TMPRSS15: variants seen among roughly 807,000 people sequenced by gnomAD.
The protein encoded by TMPRSS15 is transmembrane serine protease 15.
In TMPRSS15, 128 loss-of-function variants were observed where a neutral mutation model predicts 125.3. That is an observed-to-expected ratio of 1.02 (90% CI 0.89 to 1.18). The LOEUF (loss-of-function observed/expected upper bound fraction) is 1.18. TMPRSS15 is among the 50% of genes most tolerant of loss of function. The pLI, the probability that TMPRSS15 is intolerant of heterozygous loss-of-function variation, is 0.00. For synonymous variants in TMPRSS15, 446 were observed against 423.2 expected, an observed-to-expected ratio of 1.05 and a Z score of -0.66; for missense variants, 1,283 against 1,212.7, an observed-to-expected ratio of 1.06 and a Z score of -0.86.
At chr21:18,278,844 GA>G in intron 23 of TMPRSS15, 119 bp downstream of exon 23, 2 of 633,918 alleles carry the variant, frequency 3.2e-6, no homozygotes, top group Admixed American at 2.9e-5. Flanking sequence ...AGGAGATATT[GA>G]AAAAACTGTT....
At chr21:18,279,625 C>G (rs947285959) in intron 22 of TMPRSS15, among the ~76,000 whole-genome samples, 1 of 151,706 alleles carries the variant, frequency 6.6e-6, no homozygotes, top group Non-Finnish European at 1.5e-5. Flanking sequence ...TGAGCCACCG[C>G]ACCCGGCCCT....
chr21:18,294,387 T>C lies in TMPRSS15; in HGVS notation c.2369A>G (p.Asn790Ser). 1 of 1,614,262 alleles carries C rather than the reference T, an allele frequency of 6.2e-7. No individual in the cohort carries two copies. The highest frequency in any genetic ancestry group is 1.1e-5 in the South Asian group (1 of 91,090). Residue 790 changes from asparagine (N) to serine (S), a missense_variant, in exon 21 of 25, where the codon AAT (asparagine) becomes AGT (serine). Asn to Ser is a conservative substitution (Grantham distance 46). Transcript: ENST00000284885. ...DITPKIVGGS[N>S]AKEGAWPWVV... ...CCAGGGCCAGGCCCCTTCTTTGGCATTACTTCCTCCAACAATCTTTGGGGT... is the reference window on the plus strand; with the variant it reads ...CCAGGGCCAGGCCCCTTCTTTGGCACTACTTCCTCCAACAATCTTTGGGGT...
rs1171183312 is a variant in TMPRSS15 at position 18,294,652 on chromosome 21, A to C, written c.2262T>G (p.Ser754Arg). 5 of 1,608,964 alleles carry C rather than the reference A, an allele frequency of 3.1e-6. No individual in the cohort carries two copies. Among genetic ancestry groups the C allele is most frequent in the Non-Finnish European group, 4.3e-6 (5 of 1,175,384 alleles). Residue 754 changes from serine (S) to arginine (R), a missense_variant and splice_region_variant, in exon 20 of 25, where the codon AGT (serine) becomes AGG (arginine). Coordinates refer to ENST00000284885, the MANE Select transcript of TMPRSS15 (RefSeq NM_002772.3). ...APDGHLILTPSQQCLQDSLIR... is the reference protein window; with the variant it reads ...APDGHLILTPRQQCLQDSLIR... ...TCAAGGAATCCTGTAAACACTGTTG[A>C]CTGTAATAGAAGAACAATCATATTT...
At chr21:18,313,220 TTAATAA>T in intron 17 of TMPRSS15, 143 bp from the exon 18 acceptor site, 2 of 708,506 alleles carry the variant, frequency 2.8e-6, no homozygotes, top group Non-Finnish European at 5.0e-6. Context: ...GTGACTATAG[TTAATAA>T]TAATGTATTG....
At chr21:18,309,455 T>A (rs898100684) in intron 18 of TMPRSS15, among the ~76,000 whole-genome samples, 6 of 152,032 alleles carry the variant, frequency 3.9e-5, no homozygotes, top group African/African-American at 9.7e-5. Flanking sequence ...GAAACTATCA[T>A]TAGAGTGAAC....
intron 16 of TMPRSS15, among the ~76,000 whole-genome samples, chr21:18,317,385 G>A (rs149180332): frequency 1.9e-3 from 275 of 148,368 alleles, no homozygotes; most frequent in African/African-American, 6.5e-3. Flanking sequence ...TTTAATAAAA[G>A]GGCATTAGAG....
chr21:18,294,479 A>AT (rs1441338834), intron 20 of TMPRSS15, 35 bp from the exon 21 acceptor site: 2 of 1,613,508 alleles, frequency 1.2e-6, no homozygotes, highest in Non-Finnish European at 1.7e-6. Flanking sequence ...CATCTATTTC[A>AT]TTTTTGGCAT....
chr21:18,418,755 G>A (rs1440801081), intron 1 of TMPRSS15, among the ~76,000 whole-genome samples: 1 of 152,132 alleles, frequency 6.6e-6, no homozygotes, highest in African/African-American at 2.4e-5. Context: ...ACCAATCTCT[G>A]CTAGAAAACA....
At chr21:18,479,948 T>C (rs9975797) in intron 1 of TMPRSS15, among the ~76,000 whole-genome samples, 3,625 of 152,170 alleles carry the variant, frequency 0.024, 160 homozygotes, top group African/African-American at 0.081. Flanking sequence ...TGTATGTTTA[T>C]TGCAGCACTG....
intron 1 of TMPRSS15, among the ~76,000 whole-genome samples, chr21:18,467,887 A>C (rs1978698884): frequency 6.6e-6 from 1 of 152,120 alleles, no homozygotes; most frequent in Admixed American, 6.6e-5. Context: ...CCTGAGAGAA[A>C]CTGAAAGTAT....
rs543655810 is a variant in TMPRSS15 at position 18,474,022 on chromosome 21, C to T, written c.10+11777G>A. ...ATAGACAGATGGTATTAAACAAAGA[C>T]TAGAAGCTAGTGATCATTAAGTTAT... is the stretch of plus-strand genomic sequence containing the variant. On this transcript the variant is annotated intron_variant, in intron 1 of 7. Transcript: ENST00000422787. Among the ~76,000 whole-genome samples the T allele has an allele frequency of 2.0e-5, 3 of 152,186 alleles. No individual in the cohort carries two copies. In the South Asian group the frequency reaches 6.2e-4, roughly 32 times the overall value.
intron 18 of TMPRSS15, among the ~76,000 whole-genome samples, chr21:18,305,133 T>C (rs986986932): frequency 7.3e-5 from 11 of 151,208 alleles, no homozygotes. Flanking sequence ...TACGCTAGAC[T>C]TTTGGGTTCA....
chr21:18,433,610 T>C (rs1425074523), intron 1 of TMPRSS15, among the ~76,000 whole-genome samples: 1 of 132,176 alleles, frequency 7.6e-6, no homozygotes, highest in Non-Finnish European at 1.5e-5. Flanking sequence ...GCTGCAGTGA[T>C]CCATGATTGT....
At chr21:18,310,143 A>G (rs2075083889) in intron 18 of TMPRSS15, among the ~76,000 whole-genome samples, 1 of 152,172 alleles carries the variant, frequency 6.6e-6, no homozygotes, top group African/African-American at 2.4e-5. Flanking sequence ...TTCTTCTAAG[A>G]ACTGGAACAA....
At chr21:18,479,498 C>A (rs1445352042) in intron 1 of TMPRSS15, among the ~76,000 whole-genome samples, 1 of 151,810 alleles carries the variant, frequency 6.6e-6, no homozygotes, top group African/African-American at 2.4e-5. Context: ...CTTTCATAGT[C>A]AATTCCAGCC....
At chr21:18,382,355 C>T (rs1355306240) in intron 4 of TMPRSS15, among the ~76,000 whole-genome samples, 1 of 152,144 alleles carries the variant, frequency 6.6e-6, no homozygotes, top group Non-Finnish European at 1.5e-5. Context: ...GCTCAAACAG[C>T]TGTGACATGC....
chr21:18,369,934 C>T (rs1307019204), intron 6 of TMPRSS15, among the ~76,000 whole-genome samples: 2 of 129,728 alleles, frequency 1.5e-5, no homozygotes, highest in African/African-American at 2.9e-5. Context: ...ACAAATAATT[C>T]GAATTTATTT....
chr21:18,394,573 C>G (rs1383640224), intron 3 of TMPRSS15, among the ~76,000 whole-genome samples: 2 of 151,930 alleles, frequency 1.3e-5, no homozygotes, highest in Non-Finnish European at 2.9e-5. Context: ...CTTTCTCTCA[C>G]ATACACACAA....
chr21:18,372,255 T>G lies in TMPRSS15; in HGVS notation c.602A>C (p.Asp201Ala). ...CTDALTCIKA[D>A]LFCDGEVNCP... ...GTTTACTTCTCCATCACAAAATAAA[T>G]CAGCTTTTATACACGTTAGAGCATC... The change falls in exon 6 of 25, where the codon GAT becomes GCT. Residue 201 changes from aspartate (D) to alanine (A), a missense_variant. Coordinates refer to ENST00000284885, the MANE Select transcript of TMPRSS15 (RefSeq NM_002772.3). The G allele has an allele frequency of 6.2e-7, 1 of 1,613,238 alleles. No homozygotes were observed. Among genetic ancestry groups the G allele is most frequent in the Non-Finnish European group, 8.5e-7 (1 of 1,179,570 alleles).
Sources: gnomAD v4.1 joint callset for allele counts (sites outside exome capture counted in the v4.1 genomes callset) on GRCh38, gnomAD v4.1.1 for gene constraint, MANE v1.5 for transcripts, NCBI Gene and HGNC (gene_info 2026-07-23, HGNC 2026-07-21) for gene names.